DLG2: variants seen among roughly 807,000 people sequenced by gnomAD.
DLG2 encodes discs large MAGUK scaffold protein 2.
Under a neutral mutation model 132.5 loss-of-function variants are expected in DLG2, and 45 were observed. That is an observed-to-expected ratio of 0.34 (90% CI 0.27 to 0.44). The LOEUF (loss-of-function observed/expected upper bound fraction) is 0.44. DLG2 is among the 20% of genes least tolerant of loss of function. DLG2 has a pLI of 1.00. For missense variants in DLG2, 1,045 were observed against 1,196.9 expected (o/e 0.87, Z 1.87); for synonymous variants, 424 against 419.6 (o/e 1.01, Z -0.13).
chr11:83,790,302 C>T (rs2041195277), intron 17 of DLG2: 1 of 923,468 alleles, frequency 1.1e-6, no homozygotes, highest in Non-Finnish European at 1.7e-6. Flanking sequence ...ACTGTTTTAC[C>T]ATGGGAGCGA....
At chr11:83,462,919 T>TTTATC (rs1225610004) in intron 26 of DLG2, among the ~76,000 whole-genome samples, 1 of 152,146 alleles carries the variant, frequency 6.6e-6, no homozygotes, top group East Asian at 1.9e-4. Flanking sequence ...TACTGGCAGC[T>TTTATC]TTATCTTTCC....
chr11:84,999,779 G>A (rs1414897849), intron 6 of DLG2, among the ~76,000 whole-genome samples: 5 of 152,046 alleles, frequency 3.3e-5, no homozygotes, highest in Admixed American at 6.6e-5. Flanking sequence ...TCACACAATT[G>A]GATACTCTCA....
At chr11:84,199,406 T>C (rs946481399) in intron 8 of DLG2, among the ~76,000 whole-genome samples, 2 of 152,138 alleles carry the variant, frequency 1.3e-5, no homozygotes, top group Admixed American at 1.3e-4. Flanking sequence ...CTATAAAACA[T>C]GTCTAGTATA....
At chr11:83,944,110 C>G (rs192327065) in intron 14 of DLG2, among the ~76,000 whole-genome samples, 2 of 151,432 alleles carry the variant, frequency 1.3e-5, no homozygotes, top group Admixed American at 6.6e-5. Context: ...ATTACTTCGT[C>G]TTGGAGATGC....
intron 3 of DLG2, among the ~76,000 whole-genome samples, chr11:85,355,233 T>G (rs2152889211): frequency 6.6e-6 from 1 of 152,280 alleles, no homozygotes; most frequent in Admixed American, 6.5e-5. Context: ...GCAAGGTATT[T>G]TTCTAGGCAT....
At chr11:84,203,454 T>C (rs1370654770) in intron 8 of DLG2, among the ~76,000 whole-genome samples, 2 of 151,390 alleles carry the variant, frequency 1.3e-5, no homozygotes, top group African/African-American at 4.9e-5. Flanking sequence ...TGGTGGCGGG[T>C]GCCTGTAGTT....
intron 4 of DLG2, among the ~76,000 whole-genome samples, chr11:85,242,733 T>C (rs2075950190): frequency 6.6e-6 from 1 of 151,918 alleles, no homozygotes. Flanking sequence ...ATAATTCTAA[T>C]ATCTTACTTT....
chr11:85,408,757 T>C (rs1439183143), intron 3 of DLG2, among the ~76,000 whole-genome samples: 3 of 151,734 alleles, frequency 2.0e-5, no homozygotes, highest in African/African-American at 4.8e-5. Flanking sequence ...TAGTATTCCA[T>C]GGTGTATGTG....
At chr11:84,116,085 G>T (rs75687645) in intron 9 of DLG2, among the ~76,000 whole-genome samples, 6,470 of 152,304 alleles carry the variant, frequency 0.042, 188 homozygotes, top group Non-Finnish European at 0.07. Flanking sequence ...CCAAATTCGT[G>T]TGTTGGAAAC....
At chr11:84,871,005 G>A (rs914061587) in intron 6 of DLG2, among the ~76,000 whole-genome samples, 1 of 152,220 alleles carries the variant, frequency 6.6e-6, no homozygotes, top group Non-Finnish European at 1.5e-5. Context: ...CACTGGCATT[G>A]TATGTATCAT....
rs112033772 is a variant in DLG2, at chr11:85,569,216, G to C, written c.40+29441C>G. 2.3e-4 allele frequency among the ~76,000 whole-genome samples: 35 copies of C among 152,138 alleles called. 2 individuals are homozygous for C. Among genetic ancestry groups the C allele is most frequent in the African/African-American group, 8.2e-4 (34 of 41,514 alleles). ...CCAGTTAATTTTTGTATTTTTAGTA[G>C]AGACGAGGTTTTGCCATGTTGGCCA... On this transcript the variant is annotated intron_variant, in intron 3 of 27. Transcript: ENST00000376104.
rs1567807093 is a variant in DLG2, at chr11:84,502,390, CTTTCTTTCTTTCTTTCTTTCTT to C, written c.519+32158_519+32179del. Reference sequence around the variant, plus strand: ...TCTTTCTTTCTTTCTTTCTTTCTTTCTTTCTTTCTTTCTTTCTTTCTTTCTATACAGAGTCTCATGCTGTCAC... The same window carrying C: ...TCTTTCTTTCTTTCTTTCTTTCTTTCTCTATACAGAGTCTCATGCTGTCAC... On this transcript the variant is annotated intron_variant, in intron 7 of 27. Transcript: ENST00000376104. 3.8e-3 allele frequency among the ~76,000 whole-genome samples: 352 copies of C among 91,442 alleles called. 3 individuals carry two copies. The highest frequency in any genetic ancestry group is 0.01 in the Middle Eastern group (2 of 196). 60.0% of individuals were successfully genotyped at this position (91,442 alleles called of 152,430 possible). A position where few individuals can be genotyped will look rare whatever the true frequency, so the allele number is the denominator to read the frequency against.
chr11:84,804,316 A>C (rs898471452), intron 6 of DLG2, among the ~76,000 whole-genome samples: 1 of 152,250 alleles, frequency 6.6e-6, no homozygotes, highest in African/African-American at 2.4e-5. Flanking sequence ...CTCAGATTCC[A>C]GAACAAAATG....
intron 3 of DLG2, among the ~76,000 whole-genome samples, chr11:85,374,234 T>G (rs1281384722): frequency 6.6e-6 from 1 of 152,152 alleles, no homozygotes; most frequent in African/African-American, 2.4e-5. Flanking sequence ...ATGATGAAGT[T>G]ACTAAAACTT....
intron 6 of DLG2, among the ~76,000 whole-genome samples, chr11:84,942,815 G>T (rs1019084272): frequency 2.6e-5 from 4 of 151,942 alleles, no homozygotes; most frequent in African/African-American, 9.7e-5. Context: ...CTGAAAGTGG[G>T]GTGTTGAGGT....
At chr11:83,741,875 C>T (rs1354232921) in intron 18 of DLG2, among the ~76,000 whole-genome samples, 4 of 151,736 alleles carry the variant, frequency 2.6e-5, no homozygotes, top group Non-Finnish European at 2.9e-5. Context: ...ATTAGCAAGG[C>T]GTGGTGGTGG....
At chr11:83,998,297 AAAAT>A (rs1438747810) in intron 11 of DLG2, among the ~76,000 whole-genome samples, 1 of 152,200 alleles carries the variant, frequency 6.6e-6, no homozygotes, top group Non-Finnish European at 1.5e-5. Flanking sequence ...TTTTTGTTAT[AAAAT>A]AAATAAAAAA....
At chr11:85,432,906 G>A (rs1419033800) in intron 3 of DLG2, among the ~76,000 whole-genome samples, 1 of 152,040 alleles carries the variant, frequency 6.6e-6, no homozygotes, top group Non-Finnish European at 1.5e-5. Context: ...AAATGTTAAG[G>A]GCAGCCAGAG....
chr11:85,438,066 C>A (rs549069874), intron 3 of DLG2, among the ~76,000 whole-genome samples: 2 of 152,174 alleles, frequency 1.3e-5, no homozygotes, highest in Non-Finnish European at 2.9e-5. Flanking sequence ...AGCTTCTACT[C>A]ATGGTGGAAG....
Sources: allele counts gnomAD v4.1 joint callset (sites outside exome capture counted in the v4.1 genomes callset), GRCh38; gene constraint gnomAD v4.1.1; transcripts MANE v1.5; gene names NCBI Gene and HGNC (gene_info 2026-07-23, HGNC 2026-07-21).